YTHDC2: variants seen among roughly 807,000 people sequenced by gnomAD.
YTHDC2 encodes 3'-5' RNA helicase YTHDC2.
YTHDC2 carries 45 observed loss-of-function variants against 174.9 expected under a neutral mutation model. The ratio of observed to expected loss-of-function variants is 0.26; its 90% confidence interval spans 0.20 to 0.33. The LOEUF is 0.33. YTHDC2 is among the 10% of genes least tolerant of loss of function. YTHDC2 has a pLI of 1.00. For missense variants in YTHDC2, 1,650 were observed against 1,723.7 expected (o/e 0.96, Z 0.76); for synonymous variants, 657 against 574.5 (o/e 1.14, Z -2.05).
intron 2 of YTHDC2, 69 bp downstream of exon 2, chr5:113,515,431 G>A: frequency 7.8e-7 from 1 of 1,285,246 alleles, no homozygotes; most frequent in Non-Finnish European, 1.1e-6. Context: ...AAACGTTTCT[G>A]AGTACATTTA....
chr5:113,527,940 G>A (rs1166925347), intron 4 of YTHDC2, among the ~76,000 whole-genome samples: 2 of 152,018 alleles, frequency 1.3e-5, no homozygotes, highest in East Asian at 3.9e-4. Flanking sequence ...ACAGGCACCC[G>A]CCACCACGCC....
At chr5:113,547,715 A>G (rs1775983523) in intron 10 of YTHDC2, among the ~76,000 whole-genome samples, 1 of 152,148 alleles carries the variant, frequency 6.6e-6, no homozygotes, top group African/African-American at 2.4e-5. Flanking sequence ...GCCTCACTTT[A>G]AAAGAACACT....
chr5:113,549,056 T>C (rs759556261), intron 12 of YTHDC2, 36 bp downstream of exon 12: 1 of 1,535,712 alleles, frequency 6.5e-7, no homozygotes, highest in Admixed American at 1.8e-5. Flanking sequence ...AATTCTACCG[T>C]CTCTTAAAAA....
Position 113,549,023 on chromosome 5 carries a change from A to G in YTHDC2, c.1688+3A>G, listed in dbSNP as rs776228571. On this transcript the variant is annotated splice_donor_region_variant and intron_variant, in intron 12 of 29. Coordinates refer to ENST00000161863, the MANE Select transcript of YTHDC2 (RefSeq NM_022828.5). ...GTGGATCTTCTAGAATCTTACAGGTAAAACTTTGTACTATTTTAAATTAAT... is the reference window on the plus strand; with the variant it reads ...GTGGATCTTCTAGAATCTTACAGGTGAAACTTTGTACTATTTTAAATTAAT... 1 of 1,608,714 alleles carries G rather than the reference A, an allele frequency of 6.2e-7. No individual in the cohort carries two copies. Among genetic ancestry groups the G allele is most frequent in the East Asian group, 2.2e-5 (1 of 44,758 alleles).
chr5:113,591,289 G>A (rs374752841), intron 27 of YTHDC2, 45 bp downstream of exon 27: 2 of 1,583,276 alleles, frequency 1.3e-6, no homozygotes, highest in Admixed American at 1.8e-5. Context: ...CTGGCTATAG[G>A]TTAAATCATA....
chr5:113,517,554 A>C (rs1246553113), intron 2 of YTHDC2: 1 of 456,262 alleles, frequency 2.2e-6, no homozygotes, highest in Non-Finnish European at 4.4e-6. Context: ...GGAATGCGGA[A>C]ACATTGAAGA....
chr5:113,591,906 A>G, intron 27 of YTHDC2, 90 bp from the exon 28 acceptor site: 1 of 1,040,934 alleles, frequency 9.6e-7, no homozygotes, highest in East Asian at 3.0e-5. Context: ...TAATCTTAAA[A>G]TTTTAAAAAC....
chr5:113,532,791 C>A, intron 4 of YTHDC2, 88 bp from the exon 5 acceptor site: 1 of 1,230,006 alleles, frequency 8.1e-7, no homozygotes. Context: ...TATAGAACTT[C>A]AATTCTAGTG....
chr5:113,591,289 G>C lies in YTHDC2; in HGVS notation c.4029+45G>C, dbSNP rs374752841. ...TAAAATGGGGTTGTTCTGGCTATAG[G>C]TTAAATCATAGAGATTTTTAGAAAA... On this transcript the variant is annotated intron_variant, in intron 27 of 29. Transcript: ENST00000161863. 24 of 1,583,158 alleles carry C rather than the reference G, an allele frequency of 1.5e-5. No homozygotes were observed. In the African/African-American group the frequency reaches 3.0e-4, roughly 20 times the overall value.
At chr5:113,561,918 A>G (rs1362115688) in intron 18 of YTHDC2, among the ~76,000 whole-genome samples, 1 of 148,194 alleles carries the variant, frequency 6.7e-6, no homozygotes, top group East Asian at 2.0e-4. Flanking sequence ...TAGTTTTAGA[A>G]CTGAGTTCAC....
intron 26 of YTHDC2, among the ~76,000 whole-genome samples, 157 bp downstream of exon 26, chr5:113,584,636 T>A (rs2112803091): frequency 6.6e-6 from 1 of 152,304 alleles, no homozygotes; most frequent in South Asian, 2.1e-4. Context: ...TGAGTAAATT[T>A]TAAAGTTTTT....
At position 113,542,404 on chromosome 5, in the gene YTHDC2, A is replaced by C; in HGVS notation, c.1396A>C (p.Ile466Leu). The change falls in exon 10 of 30, where the codon ATA (isoleucine) becomes CTA (leucine). Residue 466 changes from isoleucine (I) to leucine (L), a missense_variant. Coordinates refer to ENST00000161863, the MANE Select transcript of YTHDC2 (RefSeq NM_022828.5). ...KDVNCLEPWLIKEMDACLSDI... is the reference protein window; with the variant it reads ...KDVNCLEPWLLKEMDACLSDI... ...TGTGAATTGCCTTGAACCATGGTTA[A>C]TAAAGGAAATGGATGCTTGCCTTTC... The C allele has an allele frequency of 6.2e-7, 1 of 1,612,858 alleles. No individual in the cohort carries two copies. The highest frequency in any genetic ancestry group is 8.5e-7 in the Non-Finnish European group (1 of 1,179,602).
rs751043696 is a variant in YTHDC2 at position 113,581,699 on chromosome 5, A to G, written c.3637A>G (p.Thr1213Ala). Residue 1213 changes from threonine to alanine, a missense_variant, in exon 25 of 30, where the codon ACT becomes GCT. Physicochemically the swap from Thr to Ala is moderately conservative, Grantham distance 58. Transcript: ENST00000161863. ...ADTEFSDECTTAERVLMKSPS... is the reference protein window; with the variant it reads ...ADTEFSDECTAAERVLMKSPS... ...TACTGAATTTTCTGATGAGTGTACT[A>G]CTGCAGAAAGGTAAATTTATGACAT... The G allele has an allele frequency of 6.5e-7, 1 of 1,539,232 alleles. No individual in the cohort carries two copies. Among genetic ancestry groups the G allele is most frequent in the South Asian group, 1.3e-5 (1 of 79,204 alleles).
intron 4 of YTHDC2, 41 bp downstream of exon 4, chr5:113,526,826 A>AATATATAT (rs753695226): frequency 4.1e-5 from 6 of 146,230 alleles, no homozygotes; most frequent in Non-Finnish European, 3.5e-5. Flanking sequence ...AAAAAAAAAA[A>AATATATAT]ATATATATAT....
In YTHDC2 at chr5:113,591,207, A is replaced by C; in HGVS notation, c.3992A>C (p.Tyr1331Ser). Reference protein sequence around the residue: ...NRAFWESSIVYLVFSVQGSGH... With the variant: ...NRAFWESSIVSLVFSVQGSGH... ...GCCTTTTGGGAAAGCAGCATAGTTT[A>C]CTTGGTATTTTCTGTTCAAGGATCT... The change falls in exon 27 of 30, where the codon TAC (tyrosine) becomes TCC (serine). Residue 1331 changes from tyrosine to serine, a missense_variant. Tyr to Ser is a moderately radical substitution (Grantham distance 144, BLOSUM62 -2). Transcript: ENST00000161863. 6.2e-7 allele frequency: 1 copy of C among 1,613,944 alleles called. No individual in the cohort carries two copies. The highest frequency in any genetic ancestry group is 8.5e-7 in the Non-Finnish European group (1 of 1,179,862).
At chr5:113,552,979 G>T (rs11956399) in intron 12 of YTHDC2, among the ~76,000 whole-genome samples, 47,098 of 151,814 alleles carry the variant, frequency 0.31, 9,460 homozygotes, top group African/African-American at 0.56. Context: ...AATGCCTTCA[G>T]ATTGTGCTTT....
chr5:113,567,959 T>C, intron 23 of YTHDC2, 110 bp downstream of exon 23: 5 of 834,402 alleles, frequency 6.0e-6, no homozygotes, highest in Non-Finnish European at 8.5e-6. Context: ...ATTTATATAG[T>C]AGCAGCTCTA....
chr5:113,526,813 A>G (rs761297912), intron 4 of YTHDC2, 28 bp downstream of exon 4: 2 of 227,364 alleles, frequency 8.8e-6, no homozygotes, highest in Non-Finnish European at 6.2e-6. Flanking sequence ...TGTTTATAGA[A>G]AAAAAAAAAA....
intron 2 of YTHDC2, among the ~76,000 whole-genome samples, chr5:113,523,520 A>G (rs914209530): frequency 6.6e-6 from 1 of 152,158 alleles, no homozygotes; most frequent in African/African-American, 2.4e-5. Context: ...GAGAACATTT[A>G]TGGAATTCAA....
Sources: gnomAD v4.1 joint callset for allele counts (sites outside exome capture counted in the v4.1 genomes callset) on GRCh38, gnomAD v4.1.1 for gene constraint, MANE v1.5 for transcripts, NCBI Gene and HGNC (gene_info 2026-07-23, HGNC 2026-07-21) for gene names.